The following ENTPD3 variants were observed in gnomAD, a reference collection of about 807,000 sequenced individuals.
ENTPD3 encodes ectonucleoside triphosphate diphosphohydrolase 3.
ENTPD3 carries 60 observed loss-of-function variants against 51.2 expected under a neutral mutation model. The observed-to-expected ratio is 1.17, with a 90% CI of 0.95 to 1.45. The LOEUF (loss-of-function observed/expected upper bound fraction) is 1.45, where lower values mean the gene tolerates loss of function less well. Among genes scored for constraint, ENTPD3 ranks in the 40% most tolerant of loss-of-function variants. The pLI, the probability that ENTPD3 is intolerant of heterozygous loss-of-function variation, is 0.00. For missense variants in ENTPD3, 593 were observed against 641.1 expected, an observed-to-expected ratio of 0.93 and a Z score of 0.81; for synonymous variants, 221 against 238.4, an observed-to-expected ratio of 0.93 and a Z score of 0.67.
intron 10 of ENTPD3, 133 bp from the exon 11 acceptor site, chr3:40,427,139 G>A (rs2125614806): frequency 2.8e-6 from 2 of 714,988 alleles, no homozygotes; most frequent in South Asian, 3.4e-5. Context: ...TCTTAACTTG[G>A]GCAAGTCCTT....
At chr3:40,422,473 C>T (rs913900573) in intron 7 of ENTPD3, among the ~76,000 whole-genome samples, 4 of 151,172 alleles carry the variant, frequency 2.6e-5, no homozygotes, top group Admixed American at 6.6e-5. Context: ...CGTCATTTAG[C>T]ATTAGGTATA....
intron 4 of ENTPD3, 100 bp from the exon 5 acceptor site, chr3:40,411,712 C>G: frequency 7.6e-7 from 1 of 1,322,656 alleles, no homozygotes; most frequent in Non-Finnish European, 1.0e-6. Flanking sequence ...CCCTACCAAA[C>G]CCCAATAATT....
intron 4 of ENTPD3, among the ~76,000 whole-genome samples, chr3:40,405,861 C>T (rs1441790633): frequency 6.6e-6 from 1 of 152,192 alleles, no homozygotes; most frequent in Non-Finnish European, 1.5e-5. Context: ...ACTAGCCAAT[C>T]TCCTTACTAC....
At chr3:40,403,078 C>T (rs909272097) in intron 4 of ENTPD3, among the ~76,000 whole-genome samples, 4 of 152,130 alleles carry the variant, frequency 2.6e-5, no homozygotes, top group African/African-American at 4.8e-5. Flanking sequence ...TGTTTCCCTC[C>T]GTGAGCTGCC....
chr3:40,414,861 G>A, intron 6 of ENTPD3, 21 bp downstream of exon 6: 2 of 1,613,172 alleles, frequency 1.2e-6, no homozygotes, highest in African/African-American at 1.3e-5. Flanking sequence ...ACAAATGCAT[G>A]GTTTTTAATC....
At chr3:40,406,669 G>A (rs1955509093) in intron 4 of ENTPD3, among the ~76,000 whole-genome samples, 1 of 152,132 alleles carries the variant, frequency 6.6e-6, no homozygotes, top group Non-Finnish European at 1.5e-5. Flanking sequence ...TGCAATGTCT[G>A]GAGATCTTTT....
intron 7 of ENTPD3, among the ~76,000 whole-genome samples, chr3:40,420,628 A>AT (rs1468792715): frequency 1.3e-5 from 2 of 151,912 alleles, no homozygotes; most frequent in South Asian, 2.1e-4. Flanking sequence ...AAAATCATAG[A>AT]TTTTTTTCAT....
chr3:40,399,024 C>G (rs1255596827), intron 3 of ENTPD3, among the ~76,000 whole-genome samples: 2 of 151,984 alleles, frequency 1.3e-5, no homozygotes, highest in Non-Finnish European at 2.9e-5. Context: ...GAGTTCGAGA[C>G]CAGGCTGGGA....
chr3:40,411,597 G>A lies in ENTPD3; in HGVS notation c.287-215G>A, dbSNP rs148530416. ...TAATGAAAACATTTTTTTAAAGTAGGCCCTGGCTTACTTTTTATACAATTG... is the reference window on the plus strand; with the variant it reads ...TAATGAAAACATTTTTTTAAAGTAGACCCTGGCTTACTTTTTATACAATTG... On this transcript the variant is annotated intron_variant, in intron 4 of 10. Coordinates refer to ENST00000301825, the MANE Select transcript of ENTPD3 (RefSeq NM_001248.4). Among the ~76,000 whole-genome samples, 62 of 151,926 alleles carry A rather than the reference G, an allele frequency of 4.1e-4. 1 individual carries two copies. The highest frequency in any genetic ancestry group is 3.4e-3 in the Middle Eastern group (1 of 294).
At chr3:40,392,252 C>T (rs924918091) in intron 3 of ENTPD3, 102 bp downstream of exon 3, 2 of 1,408,982 alleles carry the variant, frequency 1.4e-6, no homozygotes, top group Non-Finnish European at 9.7e-7. Context: ...AATCCTTTCC[C>T]CCCATCTCTG....
rs1956024190 is a variant in ENTPD3, at chr3:40,428,701, T to G, written c.*1193T>G. 1 of 152,210 alleles carries G rather than the reference T, an allele frequency of 6.6e-6. No individual in the cohort carries two copies. The highest frequency in any genetic ancestry group is 6.5e-5 in the Admixed American group (1 of 15,290). The allele number at this position is 152,210 out of a possible 1,614,324, so 9.4% of individuals were successfully genotyped here. A position where few individuals can be genotyped will look rare whatever the true frequency, so the allele number is the denominator to read the frequency against. ...CTAGGTGATATTTATGAGAGAAATT[T>G]TTTTCCCTAGCAAATTAAGAAACCC... On this transcript the variant is annotated 3_prime_UTR_variant, in exon 11 of 11. Transcript: ENST00000301825.
intron 2 of ENTPD3, among the ~76,000 whole-genome samples, chr3:40,389,186 A>C (rs1426391289): frequency 6.6e-6 from 1 of 152,236 alleles, no homozygotes. Context: ...CATTCCTTCC[A>C]AAGGACAAGT....
intron 3 of ENTPD3, among the ~76,000 whole-genome samples, chr3:40,395,416 G>A (rs1955175638): frequency 6.6e-6 from 1 of 152,152 alleles, no homozygotes; most frequent in Non-Finnish European, 1.5e-5. Flanking sequence ...TCTTAGGTTG[G>A]GCTCTCCAAG....
intron 7 of ENTPD3, among the ~76,000 whole-genome samples, chr3:40,418,939 A>G (rs1955803500): frequency 6.6e-6 from 1 of 152,218 alleles, no homozygotes; most frequent in South Asian, 2.1e-4. Context: ...TATGAAAGAA[A>G]GTACATTCTT....
intron 4 of ENTPD3, among the ~76,000 whole-genome samples, chr3:40,408,280 T>G (rs1358151317): frequency 6.6e-6 from 1 of 152,246 alleles, no homozygotes; most frequent in Non-Finnish European, 1.5e-5. Flanking sequence ...AGTGATTTTT[T>G]TCTTAGGTAT....
At chr3:40,400,290 G>A (rs998594634) in intron 3 of ENTPD3, among the ~76,000 whole-genome samples, 1 of 151,364 alleles carries the variant, frequency 6.6e-6, no homozygotes, top group Non-Finnish European at 1.5e-5. Context: ...AAGAAAAAAG[G>A]AAATGCCTCT....
chr3:40,414,928 G>A (rs1176590594), intron 6 of ENTPD3, 88 bp downstream of exon 6: 11 of 1,346,840 alleles, frequency 8.2e-6, no homozygotes, highest in Non-Finnish European at 1.1e-5. Context: ...CATGCCATCA[G>A]GGATATCTGC....
chr3:40,398,422 G>A (rs570175066), intron 3 of ENTPD3, among the ~76,000 whole-genome samples: 1 of 152,166 alleles, frequency 6.6e-6, no homozygotes, highest in Non-Finnish European at 1.5e-5. Flanking sequence ...TCAGGAGCAG[G>A]GGGGAGGAAA....
chr3:40,402,139 G>A (rs1389533910), intron 4 of ENTPD3, among the ~76,000 whole-genome samples: 155 of 1,882 alleles, frequency 0.082, no homozygotes, highest in Middle Eastern at 0.5. Flanking sequence ...TTTTTTTTGA[G>A]ACAGAGTCTC....
Sources: allele counts gnomAD v4.1 joint callset (sites outside exome capture counted in the v4.1 genomes callset), GRCh38; gene constraint gnomAD v4.1.1; transcripts MANE v1.5; gene names NCBI Gene and HGNC (gene_info 2026-07-23, HGNC 2026-07-21).